Variants in ZNF582 observed in about 807,000 individuals in gnomAD.
ZNF582 encodes the protein zinc finger protein 582.
In ZNF582, 14 loss-of-function variants were observed where a neutral mutation model predicts 12.3. The ratio of observed to expected loss-of-function variants is 1.14; its 90% CI spans 0.75 to 1.78. ZNF582 has a LOEUF of 1.78. ZNF582 is among the 40% of genes most tolerant of loss of function. ZNF582 has a pLI of 0.00. For synonymous variants in ZNF582, 210 were observed against 207.2 expected (o/e 1.01, Z -0.11); for missense variants, 567 against 616.5 (o/e 0.92, Z 0.85).
exon 5 of ZNF582, chr19:56,383,953 G>A: frequency 6.2e-7 from 1 of 1,613,568 alleles, no homozygotes; most frequent in Non-Finnish European, 8.5e-7. Context: ...AACTGCTGAT[G>A]GAAGGCTTTT....
At chr19:56,384,748 A>G (rs1165023537) in exon 5 of ZNF582, 2 of 1,603,550 alleles carry the variant, frequency 1.2e-6, no homozygotes, top group Admixed American at 3.4e-5. Context: ...ATGGTTTCTT[A>G]CCAGAATGAA....
At chr19:56,390,569 G>A in intron 2 of ZNF582, 68 bp from the exon 3 acceptor site, 5 of 1,576,250 alleles carry the variant, frequency 3.2e-6, no homozygotes, top group Non-Finnish European at 4.3e-6. Context: ...AGGAGATGGG[G>A]CAGGTCTTTG....
exon 5 of ZNF582, chr19:56,383,727 C>T (rs1379488146): frequency 9.6e-7 from 1 of 1,038,350 alleles, no homozygotes. Flanking sequence ...GAACAATTTA[C>T]ATCCATAAAA....
chr19:56,392,590 T>G (rs925837342), intron 1 of ZNF582, among the ~76,000 whole-genome samples: 1 of 152,236 alleles, frequency 6.6e-6, no homozygotes, highest in African/African-American at 2.4e-5. Context: ...AGCCATATAA[T>G]GGGATGCCAA....
chr19:56,384,902 C>G (rs201702956), exon 5 of ZNF582: 30 of 1,613,698 alleles, frequency 1.9e-5, no homozygotes, highest in Non-Finnish European at 2.5e-5. Flanking sequence ...TTTATTATAC[C>G]CAAAAGGTTT....
chr19:56,384,677 C>A, exon 5 of ZNF582: 1 of 1,613,710 alleles, frequency 6.2e-7, no homozygotes, highest in Non-Finnish European at 8.5e-7. Context: ...AGTATGAACT[C>A]TCTGATGTTG....
chr19:56,392,163 G>C (rs1293062057), intron 1 of ZNF582, among the ~76,000 whole-genome samples: 1 of 152,220 alleles, frequency 6.6e-6, no homozygotes, highest in African/African-American at 2.4e-5. Flanking sequence ...TCAAGCCAGG[G>C]AGCATAGAAG....
chr19:56,386,393 C>T (rs1057088335), intron 4 of ZNF582: 2 of 152,198 alleles, frequency 1.3e-5, no homozygotes, highest in Non-Finnish European at 2.9e-5. Flanking sequence ...AACTGAATGA[C>T]ATTTCTTAAA....
exon 4 of ZNF582, chr19:56,390,056 C>T: frequency 1.9e-6 from 3 of 1,613,940 alleles, no homozygotes; most frequent in Non-Finnish European, 2.5e-6. Flanking sequence ...CTTTGCCTTG[C>T]TCTAGGAAGG....
exon 3 of ZNF582, chr19:56,390,490 C>T (rs1285888048): frequency 1.2e-6 from 2 of 1,614,038 alleles, no homozygotes; most frequent in Non-Finnish European, 1.7e-6. Context: ...CATCCCTGAA[C>T]AATTCTGACC....
Position 56,384,039 on chromosome 19 carries a change from A to G in ZNF582, c.1378T>C (p.Leu460=), listed in dbSNP as rs116899216. ...TGAACGGTAGTTGAATCATGACTCA[A>G]GGTCTTCTCACATTCCTTATATTCA... The change falls in exon 5 of 5, where the codon TTG becomes CTG. Residue 460 remains leucine, a synonymous_variant. Transcript: ENST00000586929. The G allele has an allele frequency of 1.4e-3, 2,226 of 1,613,050 alleles. 5 individuals are homozygous for G. Among genetic ancestry groups the G allele is most frequent in the Non-Finnish European group, 1.7e-3 (1,973 of 1,179,656 alleles).
chr19:56,390,075 T>G, exon 4 of ZNF582: 1 of 1,613,570 alleles, frequency 6.2e-7, no homozygotes, highest in Middle Eastern at 1.6e-4. Flanking sequence ...GGAGATCACA[T>G]CAGGTTTGGA....
chr19:56,384,421 AAC>A lies in ZNF582; in HGVS notation c.994_995del (p.Val332SerfsTer8). On this transcript the variant is annotated frameshift_variant, in exon 5 of 5. Coordinates refer to ENST00000586929, the Ensembl canonical transcript of ZNF582. LOFTEE classifies it low-confidence loss of function (END_TRUNC). The stretch of plus-strand genomic sequence containing the variant: ...ATTCATAGAGTTTCCTGCCAGTATG[AAC>A]AGTCTGATGTTGAATCAACTGAGAA... 6.2e-7 allele frequency: 1 copy of A among 1,600,616 alleles called. No individual in the cohort carries two copies. The highest frequency in any genetic ancestry group is 8.5e-7 in the Non-Finnish European group (1 of 1,173,292).
exon 5 of ZNF582, chr19:56,384,201 G>T: frequency 6.2e-7 from 1 of 1,612,344 alleles, no homozygotes; most frequent in Non-Finnish European, 8.5e-7. Flanking sequence ...TGTGAGACCC[G>T]TTTGAAGGCC....
exon 5 of ZNF582, chr19:56,383,487 A>G (rs1324779275): frequency 1.2e-5 from 2 of 161,006 alleles, no homozygotes; most frequent in African/African-American, 4.8e-5. Flanking sequence ...CACATTTCAC[A>G]TCTCTTGGCA....
At chr19:56,386,681 T>G (rs531511020) in intron 4 of ZNF582, 1 of 152,368 alleles carries the variant, frequency 6.6e-6, no homozygotes, top group South Asian at 2.1e-4. Context: ...AGATATAGCT[T>G]GACTACAGGT....
intron 1 of ZNF582, among the ~76,000 whole-genome samples, chr19:56,392,392 C>A (rs753991648): frequency 2.0e-5 from 3 of 152,230 alleles, no homozygotes; most frequent in African/African-American, 7.2e-5. Flanking sequence ...TTGGAAGGAA[C>A]AGTAAGAGAC....
Position 56,383,868 on chromosome 19 carries a change from C to T in ZNF582, c.1549G>A (p.Ala517Thr). Residue 517 changes from alanine to threonine, a missense_variant, in exon 5 of 5, where the codon GCC becomes ACC. Ala to Thr is a moderately conservative substitution (Grantham distance 58). Coordinates refer to ENST00000586929, the Ensembl canonical transcript of ZNF582. Reference sequence around the variant, plus strand: ...AAGTCACAGTCACAATTAGCCTAGGCTAATGGGCTTTCCCCATTACTTCCA... The same window carrying T: ...AAGTCACAGTCACAATTAGCCTAGGTTAATGGGCTTTCCCCATTACTTCCA... 1 of 1,568,340 alleles carries T rather than the reference C, an allele frequency of 6.4e-7. No individual in the cohort carries two copies. Among genetic ancestry groups the T allele is most frequent in the African/African-American group, 1.4e-5 (1 of 73,466 alleles).
At position 56,390,104 on chromosome 19, in the gene ZNF582, T is replaced by A; in HGVS notation, c.137-8A>T. On this transcript the variant is annotated splice_region_variant and splice_polypyrimidine_tract_variant and intron_variant, in intron 3 of 4. Transcript: ENST00000586929. Reference sequence around the variant, plus strand: ...GTTTGGAAACGGCAAGACCTGGAGATGAGAAGAAACATGCCACCTGGTTAT... The same window carrying A: ...GTTTGGAAACGGCAAGACCTGGAGAAGAGAAGAAACATGCCACCTGGTTAT... 6.2e-7 allele frequency: 1 copy of A among 1,613,086 alleles called. No individual in the cohort carries two copies. The highest frequency in any genetic ancestry group is 8.5e-7 in the Non-Finnish European group (1 of 1,179,662).
Sources: gnomAD v4.1 joint callset for allele counts (sites outside exome capture counted in the v4.1 genomes callset) on GRCh38, gnomAD v4.1.1 for gene constraint, MANE v1.5 for transcripts, NCBI Gene and HGNC (gene_info 2026-07-23, HGNC 2026-07-21) for gene names.